PARD3: variants seen among roughly 807,000 people sequenced by gnomAD.
The protein encoded by PARD3 is partitioning defective 3 homolog.
PARD3 carries 75 observed loss-of-function variants against 155.4 expected under a neutral mutation model. The ratio of observed to expected loss-of-function variants is 0.48; its 90% CI spans 0.40 to 0.58. The LOEUF (loss-of-function observed/expected upper bound fraction) is 0.58. Among genes scored for constraint, PARD3 ranks in the 20% least tolerant of loss-of-function variants. PARD3 has a pLI of 0.00. For synonymous variants in PARD3, 576 were observed against 610.5 expected, an observed-to-expected ratio of 0.94 and a Z score of 0.83; for missense variants, 1,642 against 1,721.7, an observed-to-expected ratio of 0.95 and a Z score of 0.82.
intron 6 of PARD3, among the ~76,000 whole-genome samples, chr10:34,400,918 A>T (rs893739594): frequency 6.6e-6 from 1 of 152,130 alleles, no homozygotes; most frequent in Non-Finnish European, 1.5e-5. Flanking sequence ...TAAGCTAAGA[A>T]TAGCATAACT....
At chr10:34,407,018 G>T (rs1279522858) in intron 5 of PARD3, among the ~76,000 whole-genome samples, 2 of 152,140 alleles carry the variant, frequency 1.3e-5, no homozygotes, top group African/African-American at 4.8e-5. Flanking sequence ...CATATGGCAA[G>T]TCAACAGATG....
chr10:34,307,257 G>A (rs1464111084), intron 20 of PARD3, among the ~76,000 whole-genome samples: 2 of 152,096 alleles, frequency 1.3e-5, no homozygotes, highest in African/African-American at 4.8e-5. Flanking sequence ...CAGACCCTGG[G>A]ACAAGGATTC....
chr10:34,143,957 T>C (rs1948330284), intron 22 of PARD3, among the ~76,000 whole-genome samples: 1 of 141,230 alleles, frequency 7.1e-6, no homozygotes, highest in Admixed American at 6.9e-5. Flanking sequence ...TTTTCTGAGC[T>C]TTTTTTTCTA....
chr10:34,477,589 T>C (rs1343228880), intron 3 of PARD3, among the ~76,000 whole-genome samples: 1 of 152,216 alleles, frequency 6.6e-6, no homozygotes, highest in East Asian at 1.9e-4. Context: ...GATCTAATTA[T>C]GAATTAGAGC....
At chr10:34,467,745 CTAAATAAA>C (rs373700816) in intron 4 of PARD3, among the ~76,000 whole-genome samples, 12 of 152,006 alleles carry the variant, frequency 7.9e-5, no homozygotes, top group Admixed American at 2.0e-4. Context: ...GACCCCATCT[CTAAATAAA>C]TAAATAAATA....
chr10:34,486,851 ATATAT>A (rs1007885280), intron 3 of PARD3, among the ~76,000 whole-genome samples: 10 of 152,060 alleles, frequency 6.6e-5, no homozygotes, highest in South Asian at 2.1e-4. Context: ...TATAAAATAA[ATATAT>A]TATATATGTA....
chr10:34,226,950 T>A (rs1207407955), intron 22 of PARD3, among the ~76,000 whole-genome samples: 1 of 152,088 alleles, frequency 6.6e-6, no homozygotes, highest in African/African-American at 2.4e-5. Context: ...AGTTAAAGAA[T>A]CCACATGCAT....
intron 2 of PARD3, among the ~76,000 whole-genome samples, chr10:34,573,990 T>C (rs1157585979): frequency 6.6e-6 from 1 of 152,190 alleles, no homozygotes; most frequent in East Asian, 1.9e-4. Context: ...TTATAAGTTA[T>C]GCCCTTTGTA....
intron 22 of PARD3, among the ~76,000 whole-genome samples, chr10:34,164,771 C>T (rs73266870): frequency 0.072 from 10,885 of 152,200 alleles, 1,007 homozygotes; most frequent in East Asian, 0.3. Flanking sequence ...GAAAGTACTA[C>T]TTGTAGTTTC....
chr10:34,696,546 T>C, intron 1 of PARD3, 127 bp from the exon 2 acceptor site: 1 of 660,522 alleles, frequency 1.5e-6, no homozygotes, highest in Non-Finnish European at 2.7e-6. Context: ...ATACTGCAAC[T>C]GATTAAAAAT....
At chr10:34,378,493 G>T (rs1380845612) in intron 9 of PARD3, among the ~76,000 whole-genome samples, 1 of 152,134 alleles carries the variant, frequency 6.6e-6, no homozygotes, top group Non-Finnish European at 1.5e-5. Context: ...GTGCAATAAT[G>T]ACATCCAAAT....
At chr10:34,645,682 C>T (rs1341673770) in intron 2 of PARD3, among the ~76,000 whole-genome samples, 1 of 152,282 alleles carries the variant, frequency 6.6e-6, no homozygotes, top group East Asian at 1.9e-4. Flanking sequence ...ATCTAGAAGT[C>T]GCTCTGCAGC....
chr10:34,444,478 T>C (rs1393890202), intron 5 of PARD3, among the ~76,000 whole-genome samples: 1 of 152,200 alleles, frequency 6.6e-6, no homozygotes, highest in African/African-American at 2.4e-5. Flanking sequence ...CTGTCAAACA[T>C]CAAAACTAAA....
intron 16 of PARD3, among the ~76,000 whole-genome samples, chr10:34,338,135 A>G (rs777817701): frequency 6.6e-6 from 1 of 152,268 alleles, no homozygotes; most frequent in Non-Finnish European, 1.5e-5. Context: ...AGATGAGTGA[A>G]TAAACAGTAT....
chr10:34,795,064 C>T (rs1375025203), intron 1 of PARD3, among the ~76,000 whole-genome samples: 3 of 152,194 alleles, frequency 2.0e-5, no homozygotes, highest in Non-Finnish European at 4.4e-5. Flanking sequence ...AGGTCTAAAA[C>T]TTGAGAGAGT....
At chr10:34,809,360 C>T (rs575229320) in intron 1 of PARD3, among the ~76,000 whole-genome samples, 13 of 152,206 alleles carry the variant, frequency 8.5e-5, no homozygotes, top group South Asian at 4.2e-4. Context: ...GGAGGAAGGG[C>T]GCACGGATAC....
rs145825902 is a variant in PARD3, at chr10:34,695,990, C to T, written c.222+328G>A. Among the ~76,000 whole-genome samples, 390 of 152,160 alleles carry T rather than the reference C, an allele frequency of 2.6e-3. 2 individuals are homozygous for T. Among genetic ancestry groups the T allele is most frequent in the Non-Finnish European group, 3.5e-3 (235 of 68,008 alleles). On this transcript the variant is annotated intron_variant, in intron 2 of 24. Transcript: ENST00000374788. ...TACACGGAGATGATAAGGACAGGCC[C>T]GAGTTGTGAAGAAAGATGTTATGTT...
chr10:34,541,414 G>A (rs1210307161), intron 2 of PARD3, among the ~76,000 whole-genome samples: 2 of 152,204 alleles, frequency 1.3e-5, no homozygotes, highest in African/African-American at 4.8e-5. Flanking sequence ...CTATATTCCT[G>A]AAGGGACAAC....
chr10:34,231,532 G>A (rs1378681252), intron 22 of PARD3, among the ~76,000 whole-genome samples: 3 of 152,044 alleles, frequency 2.0e-5, no homozygotes, highest in Non-Finnish European at 4.4e-5. Context: ...GCAGAGATGT[G>A]CAGAAAACTT....
Sources: gnomAD v4.1 joint callset for allele counts (sites outside exome capture counted in the v4.1 genomes callset) on GRCh38, gnomAD v4.1.1 for gene constraint, MANE v1.5 for transcripts, NCBI Gene and HGNC (gene_info 2026-07-23, HGNC 2026-07-21) for gene names.